Variants in IMMP2L observed in about 807,000 individuals in gnomAD.
The protein encoded by IMMP2L is inner mitochondrial membrane peptidase subunit 2, also known as mitochondrial inner membrane protease subunit 2.
In IMMP2L, 18 loss-of-function variants were observed where a neutral mutation model predicts 19.3. That is an observed-to-expected ratio of 0.93 (90% CI 0.64 to 1.38). IMMP2L has a LOEUF of 1.38. Ranked by LOEUF, IMMP2L falls within the 40% of genes most tolerant of loss-of-function variation. The pLI is 0.00. For missense variants in IMMP2L, 233 were observed against 218.2 expected, an observed-to-expected ratio of 1.07 and a Z score of -0.43; for synonymous variants, 76 against 73.0, an observed-to-expected ratio of 1.04 and a Z score of -0.21.
intron 4 of IMMP2L, among the ~76,000 whole-genome samples, chr7:110,923,786 C>G (rs1258810950): frequency 6.6e-6 from 1 of 152,114 alleles, no homozygotes; most frequent in Non-Finnish European, 1.5e-5. Flanking sequence ...TAGAGTATCA[C>G]TCCTATAAAT....
In IMMP2L at chr7:110,808,545, C is replaced by A. The variant is rs574475795; in HGVS notation, c.408+78048G>T. Among the ~76,000 whole-genome samples, 12 of 152,188 alleles carry A rather than the reference C, an allele frequency of 7.9e-5. No individual in the cohort carries two copies. In the East Asian group the frequency reaches 2.3e-3, roughly 30 times the overall value. ...ACAAGATCCAAGCAACTGTCCAGGG[C>A]TGTGCACAGGGGGCATTTGGCTTCT... On this transcript the variant is annotated intron_variant, in intron 5 of 5. Coordinates refer to ENST00000405709, the MANE Select transcript of IMMP2L (RefSeq NM_032549.4).
At chr7:111,283,497 T>C (rs1005061634) in intron 3 of IMMP2L, among the ~76,000 whole-genome samples, 1 of 152,112 alleles carries the variant, frequency 6.6e-6, no homozygotes, top group African/African-American at 2.4e-5. Flanking sequence ...AAGTGAATGA[T>C]AAAATCTGAA....
chr7:111,238,427 G>A (rs903254307), intron 3 of IMMP2L, among the ~76,000 whole-genome samples: 2 of 151,946 alleles, frequency 1.3e-5, no homozygotes, highest in Admixed American at 1.3e-4. Flanking sequence ...AAGTTTCACT[G>A]ACAATACGAT....
At chr7:111,503,951 G>C (rs927671782) in intron 2 of IMMP2L, among the ~76,000 whole-genome samples, 8 of 152,034 alleles carry the variant, frequency 5.3e-5, no homozygotes, top group Admixed American at 1.3e-4. Context: ...ATTCAACATA[G>C]TGTTGGAAAT....
chr7:111,318,458 C>T (rs1207956305), intron 3 of IMMP2L, among the ~76,000 whole-genome samples: 3 of 152,046 alleles, frequency 2.0e-5, no homozygotes, highest in South Asian at 2.1e-4. Flanking sequence ...GAAGCAACTC[C>T]CCAGGAAAAG....
chr7:111,082,798 AT>A (rs1274318629), intron 3 of IMMP2L, among the ~76,000 whole-genome samples: 1 of 148,674 alleles, frequency 6.7e-6, no homozygotes, highest in Non-Finnish European at 1.5e-5. Flanking sequence ...GCGAGGGTTA[AT>A]TTGCTCATTT....
intron 2 of IMMP2L, among the ~76,000 whole-genome samples, chr7:111,501,199 G>A (rs1394226611): frequency 3.3e-5 from 5 of 152,200 alleles, no homozygotes; most frequent in Non-Finnish European, 4.4e-5. Flanking sequence ...GAGCCGATGC[G>A]ATCAACTGGA....
At chr7:111,365,119 T>A (rs1275996362) in intron 3 of IMMP2L, among the ~76,000 whole-genome samples, 1 of 151,914 alleles carries the variant, frequency 6.6e-6, no homozygotes, top group East Asian at 1.9e-4. Context: ...AATAAGAAGG[T>A]CTTAACCTTT....
chr7:111,476,410 C>T (rs1205659184), intron 3 of IMMP2L, among the ~76,000 whole-genome samples: 1 of 152,086 alleles, frequency 6.6e-6, no homozygotes, highest in African/African-American at 2.4e-5. Context: ...GGTTTTAGAA[C>T]TGTTTGTATT....
At chr7:111,278,616 A>G (rs1488400376) in intron 3 of IMMP2L, among the ~76,000 whole-genome samples, 3 of 152,200 alleles carry the variant, frequency 2.0e-5, no homozygotes, top group African/African-American at 7.2e-5. Context: ...GGCATGATTT[A>G]CACATATTTG....
At chr7:111,486,997 A>T (rs117094169) in intron 3 of IMMP2L, among the ~76,000 whole-genome samples, 2,338 of 152,264 alleles carry the variant, frequency 0.015, 29 homozygotes, top group Non-Finnish European at 0.022. Context: ...TTTCTAATCA[A>T]CATTTCATTA....
At chr7:111,438,121 C>T (rs1258651746) in intron 3 of IMMP2L, among the ~76,000 whole-genome samples, 1 of 151,812 alleles carries the variant, frequency 6.6e-6, no homozygotes, top group Non-Finnish European at 1.5e-5. Flanking sequence ...GAGGCAGAAA[C>T]CAACTCAACG....
chr7:111,290,073 T>C (rs1820922966), intron 3 of IMMP2L, among the ~76,000 whole-genome samples: 1 of 152,186 alleles, frequency 6.6e-6, no homozygotes, highest in South Asian at 2.1e-4. Context: ...TGGTAGTGTC[T>C]TCTCCCCAGT....
intron 3 of IMMP2L, among the ~76,000 whole-genome samples, chr7:111,046,647 C>G (rs1792423521): frequency 6.6e-6 from 1 of 152,116 alleles, no homozygotes; most frequent in African/African-American, 2.4e-5. Flanking sequence ...TCTATACCAG[C>G]TAAACTATTA....
intron 3 of IMMP2L, among the ~76,000 whole-genome samples, chr7:111,260,764 A>C (rs1817233488): frequency 6.6e-6 from 1 of 152,164 alleles, no homozygotes; most frequent in Admixed American, 6.6e-5. Flanking sequence ...CGAAACAGGT[A>C]TTAAAAATTA....
At chr7:111,050,519 G>A (rs1792902187) in intron 3 of IMMP2L, among the ~76,000 whole-genome samples, 4 of 152,310 alleles carry the variant, frequency 2.6e-5, no homozygotes, top group Admixed American at 2.0e-4. Context: ...CTTTAGGTAT[G>A]TTAATGTTAA....
intron 5 of IMMP2L, among the ~76,000 whole-genome samples, chr7:110,863,076 G>A (rs1028077814): frequency 6.6e-6 from 1 of 151,998 alleles, no homozygotes; most frequent in Admixed American, 6.6e-5. Context: ...CTTTTTCTCT[G>A]ACCTGAGTCT....
intron 5 of IMMP2L, among the ~76,000 whole-genome samples, chr7:110,729,986 G>A (rs1021719663): frequency 2.0e-5 from 3 of 151,210 alleles, no homozygotes; most frequent in Non-Finnish European, 4.4e-5. Context: ...TTCTTCTTTA[G>A]TTTTGGGAAT....
At chr7:111,217,258 G>A (rs993340552) in intron 3 of IMMP2L, among the ~76,000 whole-genome samples, 4 of 151,896 alleles carry the variant, frequency 2.6e-5, no homozygotes, top group Non-Finnish European at 4.4e-5. Context: ...TCCTTTTGGT[G>A]TTAGAATGGT....
Sources: allele counts gnomAD v4.1 joint callset (sites outside exome capture counted in the v4.1 genomes callset), GRCh38; gene constraint gnomAD v4.1.1; transcripts MANE v1.5; gene names NCBI Gene and HGNC (gene_info 2026-07-23, HGNC 2026-07-21).